The following COX7B2 variants were observed in gnomAD, a reference collection of about 807,000 sequenced individuals.
COX7B2 encodes cytochrome c oxidase subunit 7B2, mitochondrial.
For missense variants in COX7B2, 109 were observed against 95.9 expected, an observed-to-expected ratio of 1.14 and a Z score of -0.57; for synonymous variants, 37 against 32.1, an observed-to-expected ratio of 1.15 and a Z score of -0.51.
chr4:46,851,273 A>T (rs1716661803), intron 1 of COX7B2, among the ~76,000 whole-genome samples: 1 of 152,160 alleles, frequency 6.6e-6, no homozygotes, highest in Non-Finnish European at 1.5e-5. Flanking sequence ...TAAGATAAGC[A>T]AAACTAGTTT....
chr4:46,756,453 T>C (rs1715806671), intron 2 of COX7B2, among the ~76,000 whole-genome samples: 3 of 151,944 alleles, frequency 2.0e-5, no homozygotes, highest in African/African-American at 7.2e-5. Flanking sequence ...ACAAATTGAA[T>C]TTAATTAAAC....
Position 46,776,399 on chromosome 4 carries a change from T to C in COX7B2, c.-49-41158A>G, listed in dbSNP as rs796723231. Among the ~76,000 whole-genome samples, 23 of 150,850 alleles carry C rather than the reference T, an allele frequency of 1.5e-4. No individual in the cohort carries two copies. The South Asian group carries it at 4.6e-3, about 30-fold the overall frequency. On this transcript the variant is annotated intron_variant, in intron 2 of 2. Transcript: ENST00000355591. ...AGCTGCAGAGTAGTTTCAGAGTGTG[T>C]GTGTGTGTGTGTGTGTGTGTGTGTC...
chr4:46,847,290 GA>G (rs1375786522), intron 1 of COX7B2, among the ~76,000 whole-genome samples: 2 of 152,048 alleles, frequency 1.3e-5, no homozygotes, highest in Admixed American at 6.6e-5. Flanking sequence ...TCATGTGGGG[GA>G]AACAATCTGG....
chr4:46,807,006 G>T (rs1719033054), intron 2 of COX7B2, among the ~76,000 whole-genome samples: 1 of 151,914 alleles, frequency 6.6e-6, no homozygotes, highest in Non-Finnish European at 1.5e-5. Context: ...TTTTGAGGTG[G>T]TGATTTCATT....
At chr4:46,856,551 C>G (rs1039818347) in intron 1 of COX7B2, among the ~76,000 whole-genome samples, 2 of 152,170 alleles carry the variant, frequency 1.3e-5, no homozygotes, top group African/African-American at 4.8e-5. Flanking sequence ...CCCATAGTGA[C>G]TCATTCAGTA....
intron 1 of COX7B2, among the ~76,000 whole-genome samples, chr4:46,881,501 G>A (rs958958226): frequency 2.0e-5 from 3 of 152,260 alleles, no homozygotes; most frequent in East Asian, 1.9e-4. Flanking sequence ...GGTGGCTTAC[G>A]CCTGTAATCC....
intron 1 of COX7B2, among the ~76,000 whole-genome samples, chr4:46,885,564 T>C (rs1719036728): frequency 6.6e-6 from 1 of 152,134 alleles, no homozygotes. Context: ...CCAGTGATTA[T>C]AGGCAGGATA....
At chr4:46,753,253 C>T (rs957498995) in intron 2 of COX7B2, among the ~76,000 whole-genome samples, 4 of 151,996 alleles carry the variant, frequency 2.6e-5, no homozygotes, top group African/African-American at 7.2e-5. Flanking sequence ...TCTGTGGGAT[C>T]GGTGGTGATA....
At chr4:46,816,851 G>A (rs766096582) in intron 2 of COX7B2, among the ~76,000 whole-genome samples, 2 of 152,118 alleles carry the variant, frequency 1.3e-5, no homozygotes, top group Non-Finnish European at 2.9e-5. Context: ...AGGTATCACC[G>A]CTTACTGATT....
chr4:46,808,911 G>A, intron 2 of COX7B2, among the ~76,000 whole-genome samples: 1 of 151,800 alleles, frequency 6.6e-6, no homozygotes, highest in South Asian at 2.1e-4. Flanking sequence ...TTTTTGATGT[G>A]TTGCTGGATT....
intron 2 of COX7B2, among the ~76,000 whole-genome samples, chr4:46,837,740 A>G (rs1228342580): frequency 6.6e-6 from 1 of 152,112 alleles, no homozygotes; most frequent in East Asian, 1.9e-4. Flanking sequence ...ACTAATAGCA[A>G]TTAAATATCC....
At chr4:46,762,985 G>A (rs1716280907) in intron 2 of COX7B2, among the ~76,000 whole-genome samples, 1 of 104,862 alleles carries the variant, frequency 9.5e-6, no homozygotes, top group Non-Finnish European at 1.9e-5. Flanking sequence ...CCACATATAT[G>A]TAATATGTAT....
chr4:46,762,360 A>C (rs939024457), intron 2 of COX7B2, among the ~76,000 whole-genome samples: 1 of 113,660 alleles, frequency 8.8e-6, no homozygotes, highest in African/African-American at 3.1e-5. Flanking sequence ...TATACTATAC[A>C]TGTATATATA....
chr4:46,819,092 C>A (rs530205270), intron 2 of COX7B2, among the ~76,000 whole-genome samples: 1 of 152,204 alleles, frequency 6.6e-6, no homozygotes, highest in Admixed American at 6.5e-5. Context: ...TAAAACAAAG[C>A]CTTTTTAAAA....
chr4:46,777,219 C>T (rs965893957), intron 2 of COX7B2, among the ~76,000 whole-genome samples: 3 of 151,988 alleles, frequency 2.0e-5, no homozygotes, highest in Admixed American at 2.0e-4. Flanking sequence ...CAAAAAAATT[C>T]CATGAGATAA....
At chr4:46,900,443 GAACA>G (rs1316990691) in intron 1 of COX7B2, among the ~76,000 whole-genome samples, 2 of 152,126 alleles carry the variant, frequency 1.3e-5, no homozygotes, top group Non-Finnish European at 2.9e-5. Context: ...TTCTTGAGTA[GAACA>G]ACTGACCTGG....
At chr4:46,889,388 C>T (rs1249472366) in intron 1 of COX7B2, among the ~76,000 whole-genome samples, 1 of 152,202 alleles carries the variant, frequency 6.6e-6, no homozygotes, top group Non-Finnish European at 1.5e-5. Context: ...GTCAACCAGA[C>T]CTAACACCAC....
intron 2 of COX7B2, among the ~76,000 whole-genome samples, chr4:46,757,688 C>T (rs1231319763): frequency 1.3e-5 from 2 of 152,078 alleles, no homozygotes; most frequent in Non-Finnish European, 2.9e-5. Context: ...ATATAAACTC[C>T]TATTCTTACG....
At chr4:46,870,030 C>T (rs921524110) in intron 1 of COX7B2, among the ~76,000 whole-genome samples, 1 of 152,058 alleles carries the variant, frequency 6.6e-6, no homozygotes, top group Non-Finnish European at 1.5e-5. Context: ...TAGATTTGGC[C>T]TCTTTACATA....
Sources: gnomAD v4.1 joint callset for allele counts (sites outside exome capture counted in the v4.1 genomes callset) on GRCh38, gnomAD v4.1.1 for gene constraint, MANE v1.5 for transcripts, NCBI Gene and HGNC (gene_info 2026-07-23, HGNC 2026-07-21) for gene names.